Variants in NRXN1 observed in about 807,000 individuals in gnomAD.
NRXN1 encodes the protein neurexin-1.
In NRXN1, 39 loss-of-function variants were observed where a neutral mutation model predicts 150.9. The observed-to-expected ratio is 0.26, with a 90% confidence interval of 0.20 to 0.34. The LOEUF is 0.34. Ranked by LOEUF, NRXN1 falls within the 10% of genes least tolerant of loss-of-function variation. The pLI is 1.00. For synonymous variants in NRXN1, 924 were observed against 757.0 expected (o/e 1.22, Z -3.62); for missense variants, 1,815 against 1,949.9 (o/e 0.93, Z 1.30).
chr2:50,601,968 G>C (rs1182625888), intron 8 of NRXN1, among the ~76,000 whole-genome samples: 1 of 152,158 alleles, frequency 6.6e-6, no homozygotes, highest in Non-Finnish European at 1.5e-5. Flanking sequence ...AGCTAATAGA[G>C]TTATAAAGAG....
chr2:50,025,108 G>T (rs1377759780), intron 21 of NRXN1, among the ~76,000 whole-genome samples: 2 of 152,176 alleles, frequency 1.3e-5, no homozygotes, highest in Non-Finnish European at 2.9e-5. Flanking sequence ...TTCTGAATGG[G>T]TTTATAATTT....
chr2:50,579,707 G>T (rs959241304), intron 8 of NRXN1, among the ~76,000 whole-genome samples: 2 of 152,046 alleles, frequency 1.3e-5, no homozygotes, highest in African/African-American at 2.4e-5. Context: ...TGAGTTGGGA[G>T]TTCACTGTAT....
At chr2:50,261,497 A>G (rs956183626) in intron 17 of NRXN1, among the ~76,000 whole-genome samples, 5 of 151,944 alleles carry the variant, frequency 3.3e-5, no homozygotes, top group African/African-American at 1.2e-4. Context: ...TGGCCAAAAC[A>G]GAGGAAATGT....
At chr2:50,530,351 A>G (rs2093066312) in intron 11 of NRXN1, among the ~76,000 whole-genome samples, 1 of 152,204 alleles carries the variant, frequency 6.6e-6, no homozygotes, top group South Asian at 2.1e-4. Context: ...ACGATGTGCT[A>G]ATTATAATTA....
At chr2:50,682,800 A>G (rs1690607611) in intron 5 of NRXN1, among the ~76,000 whole-genome samples, 2 of 152,162 alleles carry the variant, frequency 1.3e-5, no homozygotes, top group Admixed American at 1.3e-4. Flanking sequence ...TCTCAGTAAC[A>G]TAGGAAAAAT....
chr2:50,689,003 C>T (rs557712961), intron 5 of NRXN1, among the ~76,000 whole-genome samples: 9 of 152,258 alleles, frequency 5.9e-5, no homozygotes, highest in African/African-American at 2.2e-4. Context: ...AATATACATA[C>T]CCCTTTACTA....
rs141281839 is a variant in NRXN1 at position 49,954,435 on chromosome 2, T to C, written c.4129-10644A>G. Reference sequence around the variant, plus strand: ...CTCTCTAAATTCTAAGTTCTACTCATTAGATTGTGAGAACCTGATTTATTT... The same window carrying C: ...CTCTCTAAATTCTAAGTTCTACTCACTAGATTGTGAGAACCTGATTTATTT... On this transcript the variant is annotated intron_variant, in intron 21 of 22. Coordinates refer to ENST00000401669, the MANE Select transcript of NRXN1 (RefSeq NM_001330078.2). Among the ~76,000 whole-genome samples, 22 of 152,270 alleles carry C rather than the reference T, an allele frequency of 1.4e-4. No homozygotes were observed. In the East Asian group the frequency reaches 3.5e-3, roughly 24 times the overall value.
intron 2 of NRXN1, chr2:51,009,128 T>C (rs1022938734): frequency 3.9e-5 from 6 of 151,908 alleles, no homozygotes; most frequent in Admixed American, 3.9e-4. Flanking sequence ...ATTGCCCTAA[T>C]TTCAAGGAGC....
At chr2:50,149,273 C>A (rs1168450975) in intron 18 of NRXN1, among the ~76,000 whole-genome samples, 18 of 151,626 alleles carry the variant, frequency 1.2e-4, no homozygotes. Context: ...GGGAGAATTT[C>A]AGAAATGGCT....
chr2:50,899,842 C>G (rs1003011181), intron 5 of NRXN1, among the ~76,000 whole-genome samples: 5 of 152,188 alleles, frequency 3.3e-5, no homozygotes, highest in Non-Finnish European at 7.4e-5. Context: ...GAAGCATAAA[C>G]GTCAGGTTGT....
chr2:50,354,841 T>G (rs1307107869), intron 17 of NRXN1, among the ~76,000 whole-genome samples: 2 of 152,016 alleles, frequency 1.3e-5, no homozygotes, highest in Non-Finnish European at 2.9e-5. Flanking sequence ...TGCCATGAAC[T>G]GGCAACCTGG....
intron 5 of NRXN1, among the ~76,000 whole-genome samples, chr2:50,805,409 C>A (rs575739565): frequency 6.6e-6 from 1 of 152,232 alleles, no homozygotes; most frequent in African/African-American, 2.4e-5. Flanking sequence ...AATCCCAGCA[C>A]TGTGGGAGGC....
chr2:50,350,705 T>C (rs541763332), intron 17 of NRXN1, among the ~76,000 whole-genome samples: 1 of 152,268 alleles, frequency 6.6e-6, no homozygotes, highest in South Asian at 2.1e-4. Context: ...CCCAAGAGCA[T>C]TCAATTAGGA....
rs73932957 is a variant in NRXN1, at chr2:50,156,675, G to A, written c.3547-65181C>T. On this transcript the variant is annotated intron_variant, in intron 18 of 22. Transcript: ENST00000401669. ...ACCAATACAATGTAAAGTTTCACAC[G>A]CCATGTTTTAATCCTTATCTAGTTC... Among the ~76,000 whole-genome samples, 250 of 151,888 alleles carry A rather than the reference G, an allele frequency of 1.6e-3. 1 individual carries two copies. Among genetic ancestry groups the A allele is most frequent in the African/African-American group, 5.6e-3 (231 of 41,452 alleles).
intron 18 of NRXN1, among the ~76,000 whole-genome samples, chr2:50,110,258 A>C (rs1053497185): frequency 6.6e-6 from 1 of 152,098 alleles, no homozygotes; most frequent in Admixed American, 6.5e-5. Context: ...TGGGAGGCTG[A>C]GGTGGGCAGA....
chr2:50,197,131 T>C (rs1242055549), intron 18 of NRXN1, among the ~76,000 whole-genome samples: 1 of 152,056 alleles, frequency 6.6e-6, no homozygotes, highest in Non-Finnish European at 1.5e-5. Flanking sequence ...TTTCAGAAAA[T>C]TATAGTCCAC....
At chr2:50,211,919 G>A (rs1295143098) in intron 18 of NRXN1, among the ~76,000 whole-genome samples, 1 of 151,552 alleles carries the variant, frequency 6.6e-6, no homozygotes, top group African/African-American at 2.4e-5. Flanking sequence ...TCAGGAATAT[G>A]CTGTAATGTA....
intron 5 of NRXN1, among the ~76,000 whole-genome samples, chr2:50,756,751 A>AT (rs1186260149): frequency 5.3e-5 from 8 of 151,708 alleles, no homozygotes; most frequent in Non-Finnish European, 8.8e-5. Flanking sequence ...CCACATCAAA[A>AT]TTTTTTTTGT....
chr2:49,970,483 G>C (rs915200888), intron 21 of NRXN1: 7 of 151,970 alleles, frequency 4.6e-5, no homozygotes, highest in African/African-American at 1.7e-4. Flanking sequence ...ATCCATGAAT[G>C]TATAATTGTC....
Sources: gnomAD v4.1 joint callset for allele counts (sites outside exome capture counted in the v4.1 genomes callset) on GRCh38, gnomAD v4.1.1 for gene constraint, MANE v1.5 for transcripts, NCBI Gene and HGNC (gene_info 2026-07-23, HGNC 2026-07-21) for gene names.